Variants in CENPT observed in about 807,000 individuals in gnomAD.
The protein encoded by CENPT is centromere protein T.
CENPT carries 42 observed loss-of-function variants against 59.7 expected under a neutral mutation model. The ratio of observed to expected loss-of-function variants is 0.70; its 90% confidence interval spans 0.55 to 0.91. The LOEUF (loss-of-function observed/expected upper bound fraction) is 0.91. Among genes scored for constraint, CENPT ranks in the 40% least tolerant of loss-of-function variants. The pLI is 0.00. For synonymous variants in CENPT, 295 were observed against 289.6 expected (o/e 1.02, Z -0.19); for missense variants, 716 against 713.4 (o/e 1.00, Z -0.04).
intron 10 of CENPT, 178 bp downstream of exon 10, chr16:67,831,038 C>CTTGT: frequency 2.5e-6 from 2 of 790,006 alleles, no homozygotes; most frequent in Non-Finnish European, 4.2e-6. Flanking sequence ...ACCGAGGGAC[C>CTTGT]AAGGAAAGAG....
chr16:67,830,433 G>A lies in CENPT; in HGVS notation c.819C>T (p.Ala273=), dbSNP rs747138104. 28 of 1,613,860 alleles carry A rather than the reference G, an allele frequency of 1.7e-5. No homozygotes were observed. The highest frequency in any genetic ancestry group is 1.7e-4 in the Admixed American group (10 of 59,948). ...HTGAEDAEQA[A]GRKTQSSGPG... is the part of the protein sequence containing the mutation. ...GCCCACTGCTCTGTGTCTTGCGACC[G>A]GCAGCCTGCTCAGCGTCTTCAGCCC... The change falls in exon 11 of 16, where the codon GCC becomes GCT. Residue 273 remains alanine, a synonymous_variant. Transcript: ENST00000562787.
At chr16:67,829,617 C>T (rs1409170456) in intron 12 of CENPT, 101 bp from the exon 13 acceptor site, 1 of 1,350,864 alleles carries the variant, frequency 7.4e-7, no homozygotes, top group African/African-American at 1.5e-5. Context: ...GTGGGCCCCA[C>T]CTAGCTCCAG....
Position 67,829,531 on chromosome 16 carries a change from G to T in CENPT, c.1187-15C>A. On this transcript the variant is annotated splice_polypyrimidine_tract_variant and intron_variant, in intron 12 of 15. Transcript: ENST00000562787. ...CTCTGGACTTGCTACAAAGAAGAAG[G>T]GTGGGGTCACAGGGATTCCAGGCCT... The T allele has an allele frequency of 3.8e-6, 6 of 1,593,458 alleles. No individual in the cohort carries two copies. Among genetic ancestry groups the T allele is most frequent in the Non-Finnish European group, 4.3e-6 (5 of 1,172,070 alleles).
At position 67,843,166 on chromosome 16, in the gene CENPT, TGCGGCCGCC is replaced by T. The variant is rs1770449836; in HGVS notation, c.-492+4226_-492+4234del. ...TTGCAGCCGCAGAGGGCGCAGCCGC[TGCGGCCGCC>T]GCGTCGGAGTTACAGGCTGCTACCG... On this transcript the variant is annotated intron_variant, in intron 1 of 15. Coordinates refer to ENST00000562787, the MANE Select transcript of CENPT (RefSeq NM_025082.4). The surrounding 1 kb of genome is among the most constrained non-coding windows in gnomAD (Gnocchi z 5.7). The T allele has an allele frequency of 1.2e-6, 2 of 1,609,542 alleles. No homozygotes were observed. The highest frequency in any genetic ancestry group is 2.2e-5 in the South Asian group (2 of 91,056).
At chr16:67,844,912 C>T (rs1480900589) in intron 1 of CENPT, among the ~76,000 whole-genome samples, 1 of 152,054 alleles carries the variant, frequency 6.6e-6, no homozygotes, top group Non-Finnish European at 1.5e-5. Flanking sequence ...CCTCACCCTC[C>T]TGAGTAGCTG....
intron 1 of CENPT, among the ~76,000 whole-genome samples, chr16:67,838,168 T>C (rs1317766035): frequency 6.6e-6 from 1 of 151,202 alleles, no homozygotes; most frequent in Non-Finnish European, 1.5e-5. Flanking sequence ...TACTGGAAAT[T>C]AGAGTTTCAT....
rs377419851 is a variant in CENPT, at chr16:67,833,862, T to C, written c.-3A>G. The C allele has an allele frequency of 6.5e-6, 10 of 1,528,862 alleles. 1 individual carries two copies. The highest frequency in any genetic ancestry group is 2.5e-5 in the South Asian group (2 of 81,096). The allele number at this position is 1,528,862 out of a possible 1,614,324, so 94.7% of individuals were successfully genotyped here. A position where few individuals can be genotyped will look rare whatever the true frequency, so the allele number is the denominator to read the frequency against. On this transcript the variant is annotated 5_prime_UTR_variant, in exon 4 of 16. Coordinates refer to ENST00000562787, the MANE Select transcript of CENPT (RefSeq NM_025082.4). The stretch of plus-strand genomic sequence containing the variant: ...CTGTCAGGGTTGTGGTCAGCCATCG[T>C]CTCGGCCCCGGGCCCTCCTAACCGC...
At chr16:67,831,547 C>A (rs1167302523) in intron 9 of CENPT, 29 bp downstream of exon 9, 7 of 1,613,260 alleles carry the variant, frequency 4.3e-6, no homozygotes, top group African/African-American at 1.3e-5. Context: ...TCCACCCACT[C>A]CCAGAACAGG....
chr16:67,828,594 G>A lies in CENPT; in HGVS notation c.1458-16C>T. On this transcript the variant is annotated splice_polypyrimidine_tract_variant and intron_variant, in intron 14 of 15. Coordinates refer to ENST00000562787, the MANE Select transcript of CENPT (RefSeq NM_025082.4). Reference sequence around the variant, plus strand: ...TTTATCTAGGCTGTCAAGAAGGTGGGGATAGAGCAGGCTGAACAGTCTGAT... The same window carrying A: ...TTTATCTAGGCTGTCAAGAAGGTGGAGATAGAGCAGGCTGAACAGTCTGAT... 6.2e-7 allele frequency: 1 copy of A among 1,613,976 alleles called. No individual in the cohort carries two copies. The highest frequency in any genetic ancestry group is 1.3e-5 in the African/African-American group (1 of 75,038).
intron 1 of CENPT, among the ~76,000 whole-genome samples, chr16:67,837,601 G>A (rs982833613): frequency 1.3e-5 from 2 of 152,108 alleles, no homozygotes; most frequent in East Asian, 1.9e-4. Flanking sequence ...CCAGCTACTC[G>A]GGAGGCTGAG....
intron 1 of CENPT, chr16:67,847,098 C>T (rs895537889): frequency 6.7e-6 from 1 of 150,260 alleles, no homozygotes; most frequent in Non-Finnish European, 1.5e-5. Flanking sequence ...TCCCCCCCCC[C>T]CGGCGGCCCG....
chr16:67,830,089 CTGAG>C lies in CENPT; in HGVS notation c.863-5_863-2del. ...AGAAACTGGGCTGGTTTCCCAGGGCCTGAGTGAAGGGGAGAGAATACAGGCCGGA... is the reference window on the plus strand; with the variant it reads ...AGAAACTGGGCTGGTTTCCCAGGGCCTGAAGGGGAGAGAATACAGGCCGGA... On this transcript the variant is annotated splice_acceptor_variant and splice_polypyrimidine_tract_variant and intron_variant, in intron 11 of 15. Transcript: ENST00000562787. LOFTEE classifies it high-confidence loss of function. The C allele has an allele frequency of 1.2e-6, 2 of 1,613,938 alleles. No homozygotes were observed. The highest frequency in any genetic ancestry group is 2.2e-5 in the South Asian group (2 of 91,082).
chr16:67,842,344 G>C lies in CENPT; in HGVS notation c.-492+5057C>G, dbSNP rs535020663. 1.0e-5 allele frequency: 2 copies of C among 197,482 alleles called. No individual in the cohort carries two copies. The highest frequency in any genetic ancestry group is 1.2e-4 in the Admixed American group (2 of 16,432). 12.2% of individuals were successfully genotyped at this position (197,482 alleles called of 1,614,324 possible). On this transcript the variant is annotated intron_variant, in intron 1 of 15. Transcript: ENST00000562787. The surrounding 1 kb of genome is among the most constrained non-coding windows in gnomAD (Gnocchi z 4.9). ...CGGGGCCCACTCCCGAGCGCAGGCG[G>C]GCAGCCAGGCGGGCGGCGCGGCGCG...
At chr16:67,844,337 C>T (rs1035407767) in intron 1 of CENPT, 2 of 152,494 alleles carry the variant, frequency 1.3e-5, no homozygotes, top group African/African-American at 4.8e-5. Flanking sequence ...AAAAATGGGC[C>T]CTAAGCACAT....
At chr16:67,837,435 G>A (rs1176281161) in intron 1 of CENPT, among the ~76,000 whole-genome samples, 4 of 151,752 alleles carry the variant, frequency 2.6e-5, no homozygotes, top group Non-Finnish European at 4.4e-5. Context: ...TTGGCTGGGC[G>A]CAGTGGCTCA....
intron 1 of CENPT, chr16:67,846,799 C>T (rs1055251942): frequency 6.6e-6 from 1 of 152,388 alleles, no homozygotes; most frequent in Non-Finnish European, 1.5e-5. Flanking sequence ...GTGTCTGGGC[C>T]TCCGCGCATA....
chr16:67,844,595 C>T (rs2151290293), intron 1 of CENPT, among the ~76,000 whole-genome samples: 1 of 152,354 alleles, frequency 6.6e-6, no homozygotes, highest in Middle Eastern at 3.4e-3. Context: ...TATGCATGTG[C>T]ATGCAGTTAC....
intron 12 of CENPT, 38 bp downstream of exon 12, chr16:67,829,727 C>T: frequency 6.3e-7 from 1 of 1,595,360 alleles, no homozygotes; most frequent in Non-Finnish European, 8.6e-7. Flanking sequence ...GGCCTGAACA[C>T]AGCTGTCACC....
chr16:67,835,979 A>G (rs1047491833), intron 1 of CENPT, among the ~76,000 whole-genome samples: 6 of 151,872 alleles, frequency 4.0e-5, no homozygotes, highest in Non-Finnish European at 7.4e-5. Flanking sequence ...CGAACTCCTC[A>G]TGATCCGCCT....
Sources: gnomAD v4.1 joint callset for allele counts (sites outside exome capture counted in the v4.1 genomes callset) on GRCh38, gnomAD v4.1.1 for gene constraint, Gnocchi (gnomAD v3.1) non-coding constraint, MANE v1.5 for transcripts, NCBI Gene and HGNC (gene_info 2026-07-23, HGNC 2026-07-21) for gene names.